VWA5B2: variants seen among roughly 807,000 people sequenced by gnomAD.
The protein encoded by VWA5B2 is von Willebrand factor A domain containing 5B2, also known as von Willebrand factor A domain-containing protein 5B2.
In VWA5B2, 93 loss-of-function variants were observed where a neutral mutation model predicts 118.5. The ratio of observed to expected loss-of-function variants is 0.79; its 90% CI spans 0.66 to 0.93. The LOEUF (loss-of-function observed/expected upper bound fraction) is 0.93. Ranked by LOEUF, VWA5B2 falls within the 40% of genes least tolerant of loss-of-function variation. The probability of loss-of-function intolerance (pLI) is 0.00; values close to 1 mark genes in which losing one functional copy is unlikely to be tolerated. For synonymous variants in VWA5B2, 708 were observed against 716.3 expected (o/e 0.99, Z 0.19); for missense variants, 1,546 against 1,672.8 (o/e 0.92, Z 1.32).
Position 184,234,677 on chromosome 3 carries a change from A to G in VWA5B2, c.867A>G (p.Ser289=), listed in dbSNP as rs765798347. 6.4e-7 allele frequency: 1 copy of G among 1,551,256 alleles called. No homozygotes were observed. The highest frequency in any genetic ancestry group is 8.7e-7 in the Non-Finnish European group (1 of 1,147,010). The change falls in exon 7 of 20, where the codon TCA becomes TCG. Residue 289 remains serine, a synonymous_variant. Coordinates refer to ENST00000691901, the MANE Select transcript of VWA5B2 (RefSeq NM_001390846.1). ...TGCTGGAGGGCGGCAGCCTGAGCTC[A>G]GCAGAATATGAGGCCCGGGTGAGGG... is the stretch of plus-strand genomic sequence containing the variant. The part of the protein sequence containing the change: ...HLMLEGGSLS[S]AEYEARVRAR...
chr3:184,235,054 G>C lies in VWA5B2; in HGVS notation c.946-99G>C, dbSNP rs191911766. ...CTACAAAAAGATGTCCCCTCTGGGT[G>C]GATCAGACAGAAAAAGGCCCCAGAG... On this transcript the variant is annotated intron_variant, in intron 7 of 19. Transcript: ENST00000691901. 7.9e-6 allele frequency: 11 copies of C among 1,393,488 alleles called. No individual in the cohort carries two copies. The Admixed American group carries it at 2.6e-4, about 33-fold the overall frequency. 86.3% of individuals were successfully genotyped at this position (1,393,488 alleles called of 1,614,324 possible).
chr3:184,230,526 G>T lies in VWA5B2; in HGVS notation c.-3G>T. On this transcript the variant is annotated 5_prime_UTR_variant, in exon 2 of 20. Transcript: ENST00000691901. ...GTTCCCGCAGGGCCGGCCTCCCGGCGCCATGCCCGGCCTGTACTGCCCCTC... is the reference window on the plus strand; with the variant it reads ...GTTCCCGCAGGGCCGGCCTCCCGGCTCCATGCCCGGCCTGTACTGCCCCTC... 6.8e-7 allele frequency: 1 copy of T among 1,464,748 alleles called. No individual in the cohort carries two copies. Among genetic ancestry groups the T allele is most frequent in the Non-Finnish European group, 9.0e-7 (1 of 1,116,800 alleles). The allele number at this position is 1,464,748 out of a possible 1,614,324, so 90.7% of individuals were successfully genotyped here. A position where few individuals can be genotyped will look rare whatever the true frequency, so the allele number is the denominator to read the frequency against.
intron 7 of VWA5B2, 142 bp downstream of exon 7, chr3:184,234,897 C>G: frequency 7.6e-7 from 1 of 1,313,490 alleles, no homozygotes; most frequent in Admixed American, 2.6e-5. Context: ...CCAACCATCA[C>G]AGAGGACAGA....
In VWA5B2 at chr3:184,238,967, G is replaced by A. The variant is rs1020019801; in HGVS notation, c.2202+94G>A. On this transcript the variant is annotated intron_variant, in intron 14 of 19. Transcript: ENST00000691901. This position sits in a 1 kb window ranked among gnomAD's most constrained non-coding sequence, Gnocchi z 5.0. The stretch of plus-strand genomic sequence containing the variant: ...GATATTATGTAGAGTTTACTATTAA[G>A]TCTAGCTAGAGAGAAAGGTGGGTAA... 20 of 1,306,666 alleles carry A rather than the reference G, an allele frequency of 1.5e-5. No individual in the cohort carries two copies. The Admixed American group carries it at 3.2e-4, about 21-fold the overall frequency. The allele number at this position is 1,306,666 out of a possible 1,614,324, so 80.9% of individuals were successfully genotyped here. A position where few individuals can be genotyped will look rare whatever the true frequency, so the allele number is the denominator to read the frequency against.
Position 184,241,357 on chromosome 3 carries a change from G to A in VWA5B2, c.3133G>A (p.Gly1045Ser). Residue 1045 changes from glycine (G) to serine (S), a missense_variant, in exon 19 of 20, where the codon GGC becomes AGC. Gly to Ser is a moderately conservative substitution (Grantham distance 56). Coordinates refer to ENST00000691901, the MANE Select transcript of VWA5B2 (RefSeq NM_001390846.1). The surrounding 1 kb of genome is among the most constrained non-coding windows in gnomAD (Gnocchi z 5.1). Reference protein sequence around the residue: ...RRHKLCSPDPGQANNSEGSDH... With the variant: ...RRHKLCSPDPSQANNSEGSDH... ...TCACAAACTCTGTAGCCCTGACCCG[G>A]GCCAGGCCAACAACAGTGAAGGCAG... is the stretch of plus-strand genomic sequence containing the variant. 1 of 1,555,486 alleles carries A rather than the reference G, an allele frequency of 6.4e-7. No homozygotes were observed.
At position 184,233,319 on chromosome 3, in the gene VWA5B2, C is replaced by G. The variant is rs763071307; in HGVS notation, c.452C>G (p.Ala151Gly). 6 of 1,537,380 alleles carry G rather than the reference C, an allele frequency of 3.9e-6. No homozygotes were observed. In the South Asian group the frequency reaches 7.4e-5, roughly 19 times the overall value. The change falls in exon 4 of 20, where the codon GCC becomes GGC. Residue 151 changes from alanine (A) to glycine (G), a missense_variant. Coordinates refer to ENST00000691901, the MANE Select transcript of VWA5B2 (RefSeq NM_001390846.1). This position sits in a 1 kb window ranked among gnomAD's most constrained non-coding sequence, Gnocchi z 5.2. ...PSRPDGVLHV[A>G]LPTVLTPLAP... ...AGGCCTGACGGGGTGCTGCATGTGG[C>G]CCTGCCCACTGTGCTCACCCCGCTG...
Position 184,230,913 on chromosome 3 carries a change from G to T in VWA5B2, c.306G>T (p.Ala102=). 3.3e-6 allele frequency: 4 copies of T among 1,218,022 alleles called. No individual in the cohort carries two copies. Among genetic ancestry groups the T allele is most frequent in the Non-Finnish European group, 3.1e-6 (3 of 979,508 alleles). 75.5% of individuals were successfully genotyped at this position (1,218,022 alleles called of 1,614,324 possible). Reference sequence around the variant, plus strand: ...GGACCCCGACGCCCCGCCGCTGCGCGCAGGGTGAGTTCCGCGCGCCCGCAC... The same window carrying T: ...GGACCCCGACGCCCCGCCGCTGCGCTCAGGGTGAGTTCCGCGCGCCCGCAC... ...GLGTPTPRRC[A]QGHLVLDLAQ... The change falls in exon 3 of 20, where the codon GCG becomes GCT. Residue 102 remains alanine (A), a synonymous_variant. Transcript: ENST00000691901.
intron 5 of VWA5B2, 71 bp from the exon 6 acceptor site, chr3:184,234,195 C>T: frequency 6.6e-7 from 1 of 1,524,556 alleles, no homozygotes; most frequent in African/African-American, 1.4e-5. Flanking sequence ...AGCCATGACC[C>T]CTGCCAACAT....
rs928409968 is a variant in VWA5B2 at position 184,239,425 on chromosome 3, G to A, written c.2234G>A (p.Arg745His). The change falls in exon 15 of 20, where the codon CGT becomes CAT. Residue 745 changes from arginine (R) to histidine (H), a missense_variant. Physicochemically the swap from Arg to His is conservative, Grantham distance 29. Coordinates refer to ENST00000691901, the MANE Select transcript of VWA5B2 (RefSeq NM_001390846.1). The surrounding 1 kb of genome is among the most constrained non-coding windows in gnomAD (Gnocchi z 5.1). ...GCCTTGAGTACTGAGGTGCTGGGCC[G>A]TCAGCACAGAGCGGCTCTGGCTGGC... ...VGALSTEVLGRQHRAALAGRS... is the reference protein window; with the variant it reads ...VGALSTEVLGHQHRAALAGRS... The A allele has an allele frequency of 1.6e-5, 25 of 1,547,648 alleles. No homozygotes were observed. The highest frequency in any genetic ancestry group is 6.0e-5 in the South Asian group (5 of 83,838).
At chr3:184,234,847 G>A (rs1017127726) in intron 7 of VWA5B2, 92 bp downstream of exon 7, 1 of 1,508,156 alleles carries the variant, frequency 6.6e-7, no homozygotes. Context: ...ATGGGTGCGG[G>A]GAGGCCTCTT....
rs1367940309 is a variant in VWA5B2 at position 184,241,410 on chromosome 3, G to C, written c.3180+6G>C. On this transcript the variant is annotated splice_donor_region_variant and intron_variant, in intron 19 of 19. Coordinates refer to ENST00000691901, the MANE Select transcript of VWA5B2 (RefSeq NM_001390846.1). The surrounding 1 kb of genome is among the most constrained non-coding windows in gnomAD (Gnocchi z 5.1). ...ACCATGACTACCTGCCCTTGGTGAG[G>C]ACTCGGGAGGTGGAGGGTGGTGCCG... is the stretch of plus-strand genomic sequence containing the variant. 6.3e-7 allele frequency: 1 copy of C among 1,578,126 alleles called. No individual in the cohort carries two copies. Among genetic ancestry groups the C allele is most frequent in the Non-Finnish European group, 8.6e-7 (1 of 1,161,190 alleles).
At position 184,240,886 on chromosome 3, in the gene VWA5B2, A is replaced by G; in HGVS notation, c.2836A>G (p.Thr946Ala). The G allele has an allele frequency of 6.4e-7, 1 of 1,551,588 alleles. No individual in the cohort carries two copies. The highest frequency in any genetic ancestry group is 1.2e-5 in the South Asian group (1 of 84,064). ...FTCPVAVDAT[T>A]REVLPGALQV... ...TTGCCCTGTAGCTGTGGATGCTACT[A>G]CTAGGGAGGTCCTGCCTGGGGCCCT... Residue 946 changes from threonine to alanine, a missense_variant, in exon 17 of 20, where the codon ACT becomes GCT. Thr to Ala is a moderately conservative substitution (Grantham distance 58). Around this residue, in one of 3 missense-constraint regions of VWA5B2, gnomAD observed 763 missense variants for 766.6 expected, o/e 1.00. Coordinates refer to ENST00000691901, the MANE Select transcript of VWA5B2 (RefSeq NM_001390846.1).
intron 7 of VWA5B2, 149 bp downstream of exon 7, chr3:184,234,904 C>T: frequency 7.8e-7 from 1 of 1,280,476 alleles, no homozygotes; most frequent in African/African-American, 1.5e-5. Context: ...TCACAGAGGA[C>T]AGATGAGTAT....
chr3:184,233,297 C>A lies in VWA5B2; in HGVS notation c.430C>A (p.Pro144Thr). Reference protein sequence around the residue: ...LHSSRELPSRPDGVLHVALPT... With the variant: ...LHSSRELPSRTDGVLHVALPT... ...CAGCAGCCGGGAGCTGCCCTCAAGG[C>A]CTGACGGGGTGCTGCATGTGGCCCT... Residue 144 changes from proline (P) to threonine (T), a missense_variant, in exon 4 of 20, where the codon CCT (proline) becomes ACT (threonine). Around this residue, in one of 3 missense-constraint regions of VWA5B2, gnomAD observed 775 missense variants for 882.3 expected, o/e 0.88. Transcript: ENST00000691901. The surrounding 1 kb of genome is among the most constrained non-coding windows in gnomAD (Gnocchi z 5.2). 6.5e-7 allele frequency: 1 copy of A among 1,538,788 alleles called. No homozygotes were observed. The highest frequency in any genetic ancestry group is 8.8e-7 in the Non-Finnish European group (1 of 1,141,126).
intron 1 of VWA5B2, 40 bp from the exon 2 acceptor site, chr3:184,230,340 C>T: frequency 1.6e-6 from 1 of 641,926 alleles, no homozygotes; most frequent in Admixed American, 4.4e-5. Flanking sequence ...GCCACCACGC[C>T]TGCCGCCCCC....
chr3:184,239,806 C>T lies in VWA5B2; in HGVS notation c.2510C>T (p.Pro837Leu), dbSNP rs547509578. ...LAPPAVPPQA[P>L]RCHVVIRGLC... Reference sequence around the variant, plus strand: ...CCTCCAGCAGTGCCTCCCCAGGCTCCACGCTGCCATGTGGTGATCCGGGGC... The same window carrying T: ...CCTCCAGCAGTGCCTCCCCAGGCTCTACGCTGCCATGTGGTGATCCGGGGC... The change falls in exon 16 of 20, where the codon CCA becomes CTA. Residue 837 changes from proline (P) to leucine (L), a missense_variant. Pro to Leu is a moderately conservative substitution (Grantham distance 98, BLOSUM62 -3). Around this residue, in one of 3 missense-constraint regions of VWA5B2, gnomAD observed 763 missense variants for 766.6 expected, o/e 1.00. Coordinates refer to ENST00000691901, the MANE Select transcript of VWA5B2 (RefSeq NM_001390846.1). The surrounding 1 kb of genome is among the most constrained non-coding windows in gnomAD (Gnocchi z 5.1). The T allele has an allele frequency of 3.2e-5, 50 of 1,548,224 alleles. 1 individual carries two copies. In the South Asian group the frequency reaches 5.1e-4, roughly 16 times the overall value.
chr3:184,230,648 G>A lies in VWA5B2; in HGVS notation c.120G>A (p.Pro40=), dbSNP rs1023081417. 4 of 1,329,644 alleles carry A rather than the reference G, an allele frequency of 3.0e-6. No homozygotes were observed. Among genetic ancestry groups the A allele is most frequent in the African/African-American group, 3.1e-5 (2 of 65,070 alleles). The allele number at this position is 1,329,644 out of a possible 1,614,324, so 82.4% of individuals were successfully genotyped here. The change falls in exon 2 of 20, where the codon CCG becomes CCA. Residue 40 remains proline, a synonymous_variant. Transcript: ENST00000691901. The stretch of plus-strand genomic sequence containing the variant: ...GGGCCCGGCTCACCTACCGCAACCC[G>A]CAGCCGCAGCCGGTGGACGGTGAGG... ...SVRARLTYRN[P]QPQPVDGVFV... is the part of the protein sequence containing the mutation.
Position 184,238,771 on chromosome 3 carries a change from C to T in VWA5B2, c.2100C>T (p.Pro700=). 6.5e-7 allele frequency: 1 copy of T among 1,549,878 alleles called. No homozygotes were observed. The highest frequency in any genetic ancestry group is 8.7e-7 in the Non-Finnish European group (1 of 1,146,154). ...CTGGCTCCCCCGAAGGTAGTGCTCCCTTGGAGCCCCCTTCTCAGCAGGGCT... is the reference window on the plus strand; with the variant it reads ...CTGGCTCCCCCGAAGGTAGTGCTCCTTTGGAGCCCCCTTCTCAGCAGGGCT... The part of the protein sequence containing the change: ...QGPGSPEGSA[P]LEPPSQQGCR... The change falls in exon 14 of 20, where the codon CCC becomes CCT. Residue 700 remains proline, a synonymous_variant. Transcript: ENST00000691901. This position sits in a 1 kb window ranked among gnomAD's most constrained non-coding sequence, Gnocchi z 5.0.
intron 3 of VWA5B2, 57 bp downstream of exon 3, chr3:184,230,974 C>G (rs6783338): frequency 0.024 from 29,235 of 1,205,520 alleles, 413 homozygotes; most frequent in African/African-American, 0.059. Flanking sequence ...CTCAGGCTCC[C>G]GCATCCGCTC....
Sources: gnomAD v4.1 joint callset for allele counts on GRCh38, gnomAD v4.1.1 for gene constraint, gnomAD v4.1.1 regional missense constraint, Gnocchi (gnomAD v3.1) non-coding constraint, MANE v1.5 for transcripts, NCBI Gene and HGNC (gene_info 2026-07-23, HGNC 2026-07-21) for gene names.